The following ASIC2 variants were observed in gnomAD, a reference collection of about 807,000 sequenced individuals.
ASIC2 encodes the protein acid sensing ion channel subunit 2.
In ASIC2, 25 loss-of-function variants were observed where a neutral mutation model predicts 57.3. The observed-to-expected ratio is 0.44, with a 90% CI of 0.32 to 0.61. ASIC2 has a LOEUF of 0.61. Among genes scored for constraint, ASIC2 ranks in the 20% least tolerant of loss-of-function variants. The pLI is 0.06. For synonymous variants in ASIC2, 319 were observed against 307.5 expected (o/e 1.04, Z -0.39); for missense variants, 641 against 738.1 (o/e 0.87, Z 1.52).
Position 33,217,418 on chromosome 17 carries a change from G to A in ASIC2, c.708+73990C>T, listed in dbSNP as rs187259750. Reference sequence around the variant, plus strand: ...CACACACACACAAACACACACGCACGTACTCATTTTGCAGATGAGGCTCTG... The same window carrying A: ...CACACACACACAAACACACACGCACATACTCATTTTGCAGATGAGGCTCTG... On this transcript the variant is annotated intron_variant, in intron 1 of 9. Transcript: ENST00000225823. Among the ~76,000 whole-genome samples, 1,342 of 152,262 alleles carry A rather than the reference G, an allele frequency of 8.8e-3. 7 individuals carry two copies. Among genetic ancestry groups the A allele is most frequent in the Non-Finnish European group, 0.014 (964 of 68,020 alleles).
At chr17:34,075,372 A>G (rs574207214) in intron 1 of ASIC2, among the ~76,000 whole-genome samples, 1 of 152,334 alleles carries the variant, frequency 6.6e-6, no homozygotes, top group Admixed American at 6.5e-5. Context: ...GGCCATGGAT[A>G]AGTCACTGGC....
intron 1 of ASIC2, among the ~76,000 whole-genome samples, chr17:33,886,777 T>C (rs1309050052): frequency 6.6e-6 from 1 of 151,968 alleles, no homozygotes; most frequent in African/African-American, 2.4e-5. Context: ...ACTTGACGTG[T>C]TTCCCTTGAA....
intron 1 of ASIC2, among the ~76,000 whole-genome samples, chr17:33,396,113 T>C (rs2141955587): frequency 6.6e-6 from 1 of 152,268 alleles, no homozygotes; most frequent in East Asian, 1.9e-4. Flanking sequence ...AACTTAAAAC[T>C]TGAGATTAGA....
intron 1 of ASIC2, among the ~76,000 whole-genome samples, chr17:33,948,262 G>A (rs1377578236): frequency 6.6e-6 from 1 of 152,228 alleles, no homozygotes; most frequent in Admixed American, 6.5e-5. Context: ...CAAATCATCT[G>A]GAGAAACAGA....
At chr17:33,787,120 G>T (rs1219576978) in intron 1 of ASIC2, among the ~76,000 whole-genome samples, 1 of 152,234 alleles carries the variant, frequency 6.6e-6, no homozygotes, top group Non-Finnish European at 1.5e-5. Flanking sequence ...CAGGAGCACA[G>T]TACGGCTCTC....
chr17:34,086,266 A>G (rs1425910565), intron 1 of ASIC2, among the ~76,000 whole-genome samples: 3 of 151,856 alleles, frequency 2.0e-5, no homozygotes, highest in Admixed American at 2.0e-4. Flanking sequence ...TTCAAAGAAC[A>G]TCTTTATTTC....
At chr17:33,713,489 G>A (rs545532402) in intron 1 of ASIC2, among the ~76,000 whole-genome samples, 8 of 152,182 alleles carry the variant, frequency 5.3e-5, no homozygotes, top group Non-Finnish European at 1.0e-4. Context: ...GTACGTCTCC[G>A]TCCTCACATG....
At chr17:33,936,988 CG>C (rs1258230520) in intron 1 of ASIC2, among the ~76,000 whole-genome samples, 4 of 152,324 alleles carry the variant, frequency 2.6e-5, no homozygotes, top group Admixed American at 6.5e-5. Context: ...CAAGCCCAAG[CG>C]GAGAGAGTTA....
chr17:33,535,613 C>A (rs948485278), intron 1 of ASIC2, among the ~76,000 whole-genome samples: 2 of 152,138 alleles, frequency 1.3e-5, no homozygotes, highest in Admixed American at 6.5e-5. Flanking sequence ...GGTTATGAAG[C>A]TGATGTGCCT....
At chr17:33,030,656 A>G (rs995608968) in intron 3 of ASIC2, among the ~76,000 whole-genome samples, 1 of 152,122 alleles carries the variant, frequency 6.6e-6, no homozygotes, top group Admixed American at 6.6e-5. Flanking sequence ...TATTTTTCTT[A>G]GATGTGCTTG....
intron 1 of ASIC2, among the ~76,000 whole-genome samples, chr17:33,405,218 T>A (rs886139063): frequency 6.6e-6 from 1 of 152,106 alleles, no homozygotes; most frequent in African/African-American, 2.4e-5. Flanking sequence ...TTTGCCCCCA[T>A]GGAGGAGGCA....
At chr17:33,275,997 A>C (rs769751364) in intron 1 of ASIC2, among the ~76,000 whole-genome samples, 8 of 152,190 alleles carry the variant, frequency 5.3e-5, no homozygotes, top group Admixed American at 1.3e-4. Flanking sequence ...GAAGGTTTTC[A>C]GGCAAAAGAT....
chr17:33,565,304 T>C (rs1304677118), intron 1 of ASIC2, among the ~76,000 whole-genome samples: 3 of 152,214 alleles, frequency 2.0e-5, no homozygotes, highest in Non-Finnish European at 4.4e-5. Context: ...CAGACAGTTA[T>C]AGGAGTCAGA....
At chr17:33,076,312 C>T (rs369817368) in intron 3 of ASIC2, among the ~76,000 whole-genome samples, 2 of 152,172 alleles carry the variant, frequency 1.3e-5, no homozygotes, top group East Asian at 1.9e-4. Flanking sequence ...AGGGGCAGTC[C>T]GGGTAGGAGG....
chr17:33,191,951 G>T (rs1906438889), intron 1 of ASIC2, among the ~76,000 whole-genome samples: 1 of 152,166 alleles, frequency 6.6e-6, no homozygotes, highest in African/African-American at 2.4e-5. Flanking sequence ...GTGCTTGGAT[G>T]TTGCAGAATT....
At chr17:34,060,904 TA>T (rs1908947046) in intron 1 of ASIC2, among the ~76,000 whole-genome samples, 1 of 152,142 alleles carries the variant, frequency 6.6e-6, no homozygotes, top group African/African-American at 2.4e-5. Context: ...AAGAGAAATC[TA>T]AAAGACTGGA....
chr17:33,819,977 T>G (rs1912698300), intron 1 of ASIC2, among the ~76,000 whole-genome samples: 2 of 152,158 alleles, frequency 1.3e-5, no homozygotes, highest in Admixed American at 6.5e-5. Flanking sequence ...GAATTCCCTT[T>G]GCTGCCTACC....
In ASIC2 at chr17:33,111,818, G is replaced by A. The variant is rs1035953905; in HGVS notation, c.859+99C>T. On this transcript the variant is annotated intron_variant, in intron 2 of 9. Transcript: ENST00000225823. Reference sequence around the variant, plus strand: ...GTCACAAACCCCTTGCTGGAGAGCAGTCCCTCACAGGGTGGGCCAAGACAG... The same window carrying A: ...GTCACAAACCCCTTGCTGGAGAGCAATCCCTCACAGGGTGGGCCAAGACAG... 1.4e-5 allele frequency: 21 copies of A among 1,471,628 alleles called. 1 individual carries two copies. The highest frequency in any genetic ancestry group is 1.9e-5 in the Non-Finnish European group (21 of 1,101,990). The allele number at this position is 1,471,628 out of a possible 1,614,324, so 91.2% of individuals were successfully genotyped here. A position where few individuals can be genotyped will look rare whatever the true frequency, so the allele number is the denominator to read the frequency against.
chr17:33,328,970 A>C (rs1157208234), intron 1 of ASIC2, among the ~76,000 whole-genome samples: 1 of 152,126 alleles, frequency 6.6e-6, no homozygotes, highest in African/African-American at 2.4e-5. Context: ...CTGGATCCGG[A>C]GATGGTTCTG....
Sources: gnomAD v4.1 joint callset for allele counts (sites outside exome capture counted in the v4.1 genomes callset) on GRCh38, gnomAD v4.1.1 for gene constraint, MANE v1.5 for transcripts, NCBI Gene and HGNC (gene_info 2026-07-23, HGNC 2026-07-21) for gene names.